KLF12: variants seen among roughly 807,000 people sequenced by gnomAD.
KLF12 encodes the protein Krueppel-like factor 12.
In KLF12, 9 loss-of-function variants were observed where a neutral mutation model predicts 37.8. The observed-to-expected ratio is 0.24, with a 90% confidence interval of 0.14 to 0.42. The LOEUF (loss-of-function observed/expected upper bound fraction) is 0.42. Ranked by LOEUF, KLF12 falls within the 10% of genes least tolerant of loss-of-function variation. KLF12 has a pLI of 1.00. For synonymous variants in KLF12, 208 were observed against 202.1 expected (o/e 1.03, Z -0.25); for missense variants, 411 against 516.0 (o/e 0.80, Z 1.97).
At chr13:74,239,876 A>G in the KLF12 span, among the ~76,000 whole-genome samples, 1 of 151,422 alleles carries the variant, frequency 6.6e-6, no homozygotes, top group African/African-American at 2.4e-5. Flanking sequence ...CAGCACACTG[A>G]TGGGTCTTGA....
At chr13:73,697,899 T>A (rs1874262369) in intron 7 of KLF12, among the ~76,000 whole-genome samples, 1 of 152,168 alleles carries the variant, frequency 6.6e-6, no homozygotes, top group Non-Finnish European at 1.5e-5. Context: ...ACGGCAGTAA[T>A]CCCAGCACTT....
At chr13:73,999,026 T>C (rs951783388) in intron 1 of KLF12, among the ~76,000 whole-genome samples, 2 of 152,044 alleles carry the variant, frequency 1.3e-5, no homozygotes, top group Non-Finnish European at 2.9e-5. Flanking sequence ...TGGACACACA[T>C]AATTCTCTAC....
chr13:73,752,381 C>G (rs1053479088), intron 6 of KLF12, among the ~76,000 whole-genome samples: 1 of 152,150 alleles, frequency 6.6e-6, no homozygotes, highest in African/African-American at 2.4e-5. Context: ...ATCTCAAGAA[C>G]TGTTCTGTCC....
intron 2 of KLF12, among the ~76,000 whole-genome samples, chr13:73,945,206 C>A (rs149497179): frequency 6.6e-6 from 1 of 152,198 alleles, no homozygotes; most frequent in South Asian, 2.1e-4. Flanking sequence ...CAGTGGCTCA[C>A]GCCTGTAACC....
At chr13:73,908,847 A>G (rs1296489056) in intron 3 of KLF12, among the ~76,000 whole-genome samples, 1 of 151,816 alleles carries the variant, frequency 6.6e-6, no homozygotes, top group Admixed American at 6.6e-5. Context: ...TATCTGCCCC[A>G]CTCCTCAAAG....
At chr13:73,990,155 T>C (rs186308298) in intron 2 of KLF12, among the ~76,000 whole-genome samples, 13 of 152,134 alleles carry the variant, frequency 8.5e-5, no homozygotes, top group Admixed American at 7.9e-4. Context: ...GCCACAGATA[T>C]GGAAAATCAA....
chr13:73,729,166 G>A (rs1358846039), intron 6 of KLF12, among the ~76,000 whole-genome samples: 1 of 152,122 alleles, frequency 6.6e-6, no homozygotes, highest in Non-Finnish European at 1.5e-5. Context: ...ACACAGACCT[G>A]GCCCATCCCT....
chr13:74,288,140 A>T, the KLF12 span, among the ~76,000 whole-genome samples: 1 of 152,230 alleles, frequency 6.6e-6, no homozygotes, highest in Non-Finnish European at 1.5e-5. Context: ...AAAGGGTCAC[A>T]GTAATTTGTG....
At chr13:74,206,719 C>T in the KLF12 span, among the ~76,000 whole-genome samples, 5 of 152,116 alleles carry the variant, frequency 3.3e-5, no homozygotes, top group African/African-American at 7.2e-5. Context: ...TTTCTCGCTG[C>T]GACAGCATGC....
At chr13:73,875,789 T>G (rs1018612807) in intron 3 of KLF12, among the ~76,000 whole-genome samples, 22 of 152,182 alleles carry the variant, frequency 1.4e-4, no homozygotes, top group African/African-American at 5.1e-4. Context: ...GCTTACAGGT[T>G]TAGTATTTTT....
At chr13:74,281,432 T>C in the KLF12 span, among the ~76,000 whole-genome samples, 1 of 152,192 alleles carries the variant, frequency 6.6e-6, no homozygotes, top group Non-Finnish European at 1.5e-5. Flanking sequence ...TGCAAGGCAT[T>C]TAAAAATTAG....
At chr13:73,764,364 C>G (rs931618927) in intron 6 of KLF12, among the ~76,000 whole-genome samples, 2 of 151,840 alleles carry the variant, frequency 1.3e-5, no homozygotes, top group African/African-American at 4.8e-5. Flanking sequence ...TCTAAAGAAT[C>G]GATAAGCTAT....
intron 1 of KLF12, among the ~76,000 whole-genome samples, chr13:74,130,425 T>C (rs906500299): frequency 2.0e-5 from 3 of 152,188 alleles, no homozygotes; most frequent in Non-Finnish European, 2.9e-5. Flanking sequence ...TCCCAGCACT[T>C]TGGCAGGAGG....
intron 7 of KLF12, among the ~76,000 whole-genome samples, chr13:73,699,584 T>G (rs1874399273): frequency 6.6e-6 from 1 of 152,062 alleles, no homozygotes; most frequent in African/African-American, 2.4e-5. Context: ...TAACCAAAAG[T>G]AAGGATTCTA....
chr13:73,951,605 G>C (rs995537956), intron 2 of KLF12, among the ~76,000 whole-genome samples: 5 of 152,182 alleles, frequency 3.3e-5, no homozygotes, highest in Non-Finnish European at 7.3e-5. Flanking sequence ...TACCACGGCT[G>C]AGGTGGAAGC....
chr13:73,725,303 T>C (rs2137760555), intron 6 of KLF12, among the ~76,000 whole-genome samples: 1 of 152,264 alleles, frequency 6.6e-6, no homozygotes, highest in African/African-American at 2.4e-5. Context: ...GGTTTCACCA[T>C]GTTCGCCAGC....
At chr13:74,013,153 C>T (rs1892593068) in intron 1 of KLF12, among the ~76,000 whole-genome samples, 1 of 152,240 alleles carries the variant, frequency 6.6e-6, no homozygotes, top group Non-Finnish European at 1.5e-5. Context: ...AACCTTGGGA[C>T]ATCCTGGGGA....
the KLF12 span, among the ~76,000 whole-genome samples, chr13:74,251,890 C>T: frequency 1.3e-3 from 194 of 152,284 alleles, no homozygotes; most frequent in African/African-American, 4.3e-3. Flanking sequence ...TGGACAGTTT[C>T]CAGACCCCAG....
the KLF12 span, among the ~76,000 whole-genome samples, chr13:74,277,206 G>T: frequency 6.6e-6 from 1 of 152,116 alleles, no homozygotes; most frequent in Non-Finnish European, 1.5e-5. Flanking sequence ...TGTAGCTATT[G>T]CTTTCGTTTC....
Sources: gnomAD v4.1 joint callset for allele counts (sites outside exome capture counted in the v4.1 genomes callset) on GRCh38, gnomAD v4.1.1 for gene constraint, MANE v1.5 for transcripts, NCBI Gene and HGNC (gene_info 2026-07-23, HGNC 2026-07-21) for gene names.